The following USP34 variants were observed in gnomAD, a reference collection of about 807,000 sequenced individuals.
The protein encoded by USP34 is ubiquitin carboxyl-terminal hydrolase 34.
A neutral mutation model predicts 460.3 loss-of-function variants in USP34; 70 were observed. That is an observed-to-expected ratio of 0.15 (90% CI 0.13 to 0.19). The LOEUF (loss-of-function observed/expected upper bound fraction) is 0.19. Ranked by LOEUF, USP34 falls within the 10% of genes least tolerant of loss-of-function variation. The pLI, the probability that USP34 is intolerant of heterozygous loss-of-function variation, is 1.00. For missense variants in USP34, 3,985 were observed against 4,236.2 expected, an observed-to-expected ratio of 0.94 and a Z score of 1.65; for synonymous variants, 1,647 against 1,405.3, an observed-to-expected ratio of 1.17 and a Z score of -3.85.
chr2:61,356,179 TA>T (rs79679650), intron 10 of USP34, among the ~76,000 whole-genome samples: 2,031 of 138,786 alleles, frequency 0.015, 36 homozygotes, highest in African/African-American at 0.045. Flanking sequence ...TGAATGAATT[TA>T]AAAAAAAAAA....
At chr2:61,272,918 G>C (rs1161805730) in intron 41 of USP34, among the ~76,000 whole-genome samples, 3 of 152,060 alleles carry the variant, frequency 2.0e-5, no homozygotes, top group Non-Finnish European at 4.4e-5. Context: ...GAAAATAAAA[G>C]AAAAACAAGA....
intron 41 of USP34, among the ~76,000 whole-genome samples, chr2:61,274,972 T>G (rs1221952950): frequency 2.6e-5 from 4 of 152,158 alleles, no homozygotes; most frequent in African/African-American, 4.8e-5. Context: ...ATATTACATA[T>G]ATGCAGATAA....
At chr2:61,238,907 TCA>T (rs1688149558) in intron 53 of USP34, among the ~76,000 whole-genome samples, 2 of 152,036 alleles carry the variant, frequency 1.3e-5, no homozygotes, top group South Asian at 4.1e-4. Context: ...TAGCATGTGC[TCA>T]CTTTCTGTCT....
rs146861365 is a variant in USP34, at chr2:61,252,331, AAC to A, written c.6222-3650_6222-3649del. ...ATTACCTACCCGATACTATCTTTGAAACACTGCCTGGCAAACAGCATTCAGTT... is the reference window on the plus strand; with the variant it reads ...ATTACCTACCCGATACTATCTTTGAAACTGCCTGGCAAACAGCATTCAGTT... On this transcript the variant is annotated intron_variant, in intron 48 of 79. Coordinates refer to ENST00000398571, the MANE Select transcript of USP34 (RefSeq NM_014709.4). Among the ~76,000 whole-genome samples, 9 of 152,314 alleles carry A rather than the reference AAC, an allele frequency of 5.9e-5. No homozygotes were observed. The East Asian group carries it at 1.5e-3, about 26-fold the overall frequency.
intron 5 of USP34, among the ~76,000 whole-genome samples, chr2:61,389,738 A>T (rs1693285129): frequency 6.6e-6 from 1 of 150,956 alleles, no homozygotes; most frequent in African/African-American, 2.4e-5. Flanking sequence ...GTCCTTTATC[A>T]TTTTTTTTTA....
intron 75 of USP34, among the ~76,000 whole-genome samples, chr2:61,197,602 A>C (rs552971828): frequency 2.8e-4 from 43 of 152,158 alleles, no homozygotes; most frequent in African/African-American, 9.6e-4. Flanking sequence ...CTTAATACTT[A>C]CTTTCTCTCT....
At chr2:61,382,626 A>G (rs983586879) in intron 6 of USP34, among the ~76,000 whole-genome samples, 1 of 152,236 alleles carries the variant, frequency 6.6e-6, no homozygotes, top group South Asian at 2.1e-4. Context: ...AATGAGAAAA[A>G]AAGTACAATA....
intron 7 of USP34, among the ~76,000 whole-genome samples, chr2:61,378,824 G>A (rs1241353338): frequency 7.2e-6 from 1 of 137,936 alleles, no homozygotes; most frequent in Non-Finnish European, 1.5e-5. Context: ...AAAATCACTT[G>A]AACCCAGGAG....
chr2:61,339,217 A>G, intron 18 of USP34, 134 bp downstream of exon 18: 2 of 862,678 alleles, frequency 2.3e-6, no homozygotes, highest in Non-Finnish European at 3.3e-6. Flanking sequence ...TCATATGAAA[A>G]CTATAATTAC....
intron 10 of USP34, among the ~76,000 whole-genome samples, chr2:61,354,110 A>T (rs773030791): frequency 6.6e-6 from 1 of 152,176 alleles, no homozygotes; most frequent in Non-Finnish European, 1.5e-5. Context: ...AACTAACTAA[A>T]TAAATAACCA....
chr2:61,268,642 GGGT>G (rs1185450582), intron 41 of USP34, among the ~76,000 whole-genome samples: 3 of 151,532 alleles, frequency 2.0e-5, no homozygotes, highest in African/African-American at 7.3e-5. Flanking sequence ...ATAGATAATA[GGGT>G]AATTTTTGAC....
chr2:61,204,599 C>T lies in USP34; in HGVS notation c.9157G>A (p.Val3053Ile). 1.2e-6 allele frequency: 2 copies of T among 1,611,540 alleles called. No homozygotes were observed. Among genetic ancestry groups the T allele is most frequent in the Non-Finnish European group, 1.7e-6 (2 of 1,179,292 alleles). ...PPELRNACID[V>I]LKELVLLSPH... is the part of the protein sequence containing the mutation. ...CTCAAAAGTACAAGTTCCTTGAGGA[C>T]ATCTGAAAATAAAAACAAAGTTTGG... Residue 3053 changes from valine (V) to isoleucine (I), a missense_variant and splice_region_variant, in exon 73 of 80, where the codon GTC becomes ATC. By Grantham distance (29) the Val-to-Ile change is conservative. This residue lies in a region of USP34 where 275 missense variants were observed against 292.7 expected (regional missense o/e 0.94). Coordinates refer to ENST00000398571, the MANE Select transcript of USP34 (RefSeq NM_014709.4).
At chr2:61,276,221 T>A (rs1303513235) in intron 41 of USP34, among the ~76,000 whole-genome samples, 1 of 152,224 alleles carries the variant, frequency 6.6e-6, no homozygotes, top group Non-Finnish European at 1.5e-5. Context: ...AAATGATGTA[T>A]CCTTTTGTAT....
chr2:61,288,155 A>G (rs968788651), intron 34 of USP34, among the ~76,000 whole-genome samples: 7 of 152,210 alleles, frequency 4.6e-5, no homozygotes, highest in African/African-American at 1.7e-4. Flanking sequence ...GCAGATGAGC[A>G]TAAGAGCGTA....
chr2:61,257,733 C>T (rs1013602875), intron 44 of USP34, among the ~76,000 whole-genome samples: 4 of 151,914 alleles, frequency 2.6e-5, no homozygotes, highest in African/African-American at 9.7e-5. Flanking sequence ...ATGGTAAAAC[C>T]CCATCTCTGC....
At chr2:61,289,379 C>G (rs1275229208) in intron 33 of USP34, among the ~76,000 whole-genome samples, 1 of 151,922 alleles carries the variant, frequency 6.6e-6, no homozygotes, top group Non-Finnish European at 1.5e-5. Context: ...TTTCCATAAC[C>G]ACATTAAAAA....
chr2:61,231,232 T>C (rs1276320672), intron 58 of USP34, among the ~76,000 whole-genome samples: 2 of 151,782 alleles, frequency 1.3e-5, no homozygotes, highest in Non-Finnish European at 2.9e-5. Flanking sequence ...TTGTCAGGTA[T>C]TGAGGAGAGA....
chr2:61,329,750 C>T (rs1283570738), intron 20 of USP34, among the ~76,000 whole-genome samples: 1 of 152,172 alleles, frequency 6.6e-6, no homozygotes, highest in South Asian at 2.1e-4. Flanking sequence ...TTGTAGATAA[C>T]CTATGTGCCA....
intron 5 of USP34, among the ~76,000 whole-genome samples, chr2:61,384,899 C>T (rs183450051): frequency 7.9e-4 from 120 of 151,746 alleles, no homozygotes; most frequent in African/African-American, 2.8e-3. Context: ...AAATAAAAGG[C>T]AAAGGACTAG....
Sources: gnomAD v4.1 joint callset for allele counts (sites outside exome capture counted in the v4.1 genomes callset) on GRCh38, gnomAD v4.1.1 for gene constraint, gnomAD v4.1.1 regional missense constraint, MANE v1.5 for transcripts, NCBI Gene and HGNC (gene_info 2026-07-23, HGNC 2026-07-21) for gene names.